Variants in PURG observed in about 807,000 individuals in gnomAD.
PURG encodes the protein purine-rich element-binding protein gamma.
PURG carries 3 observed loss-of-function variants against 24.3 expected under a neutral mutation model. The ratio of observed to expected loss-of-function variants is 0.12; its 90% confidence interval spans 0.06 to 0.32. The LOEUF is 0.32. PURG is among the 10% of genes least tolerant of loss of function. The pLI, the probability that PURG is intolerant of heterozygous loss-of-function variation, is 1.00. For missense variants in PURG, 371 were observed against 439.1 expected, an observed-to-expected ratio of 0.84 and a Z score of 1.39; for synonymous variants, 180 against 173.1, an observed-to-expected ratio of 1.04 and a Z score of -0.31.
At chr8:31,020,839 G>A (rs934180563) in intron 1 of PURG, among the ~76,000 whole-genome samples, 2 of 152,004 alleles carry the variant, frequency 1.3e-5, no homozygotes, top group African/African-American at 4.8e-5. Flanking sequence ...CTTAAAGTGC[G>A]GTCCCCCTAG....
downstream of PURG, among the ~76,000 whole-genome samples, chr8:31,026,130 G>T (rs1258315121): frequency 1.3e-5 from 2 of 151,832 alleles, no homozygotes; most frequent in East Asian, 3.8e-4. Flanking sequence ...ATACTCATTT[G>T]CTCTTATAAG....
At chr8:31,009,144 G>A (rs1391177166) in intron 1 of PURG, among the ~76,000 whole-genome samples, 3 of 152,092 alleles carry the variant, frequency 2.0e-5, no homozygotes, top group Admixed American at 1.3e-4. Flanking sequence ...GAATAATTCG[G>A]ACAGGTGCAG....
intron 1 of PURG, among the ~76,000 whole-genome samples, chr8:30,998,192 A>G (rs1810465717): frequency 6.6e-6 from 1 of 151,826 alleles, no homozygotes; most frequent in Non-Finnish European, 1.5e-5. Flanking sequence ...ACTTAGACTA[A>G]CAGTCTTGTT....
chr8:30,998,870 C>A (rs994553354), intron 1 of PURG, among the ~76,000 whole-genome samples: 1 of 151,662 alleles, frequency 6.6e-6, no homozygotes, highest in African/African-American at 2.4e-5. Flanking sequence ...CAAAAAAGGC[C>A]AGAGAAAACC....
At chr8:31,025,101 T>C (rs1811066825) in intron 1 of PURG, among the ~76,000 whole-genome samples, 1 of 152,024 alleles carries the variant, frequency 6.6e-6, no homozygotes, top group Non-Finnish European at 1.5e-5. Context: ...ATTCATTATG[T>C]TTTTATTTAC....
At chr8:31,001,400 C>T (rs1209557875) in intron 1 of PURG, among the ~76,000 whole-genome samples, 1 of 152,186 alleles carries the variant, frequency 6.6e-6, no homozygotes, top group African/African-American at 2.4e-5. Context: ...AGTTATTTCT[C>T]ACCATATCCC....
intron 1 of PURG, among the ~76,000 whole-genome samples, chr8:31,003,044 G>A (rs1810570258): frequency 6.6e-6 from 1 of 152,114 alleles, no homozygotes; most frequent in Admixed American, 6.5e-5. Context: ...GCCCTTCTGG[G>A]TTAAATTATA....
chr8:31,009,167 G>A (rs1756819137), intron 1 of PURG, among the ~76,000 whole-genome samples: 1 of 152,186 alleles, frequency 6.6e-6, no homozygotes, highest in South Asian at 2.1e-4. Flanking sequence ...GCTCACACTT[G>A]TAATCCCAGC....
chr8:31,026,854 T>C (rs999804570), downstream of PURG, among the ~76,000 whole-genome samples: 1 of 151,472 alleles, frequency 6.6e-6, no homozygotes, highest in Admixed American at 6.6e-5. Context: ...TAAAATAGCA[T>C]GTCAAATTAA....
At chr8:31,014,018 C>T (rs887474928) in intron 1 of PURG, among the ~76,000 whole-genome samples, 3 of 151,934 alleles carry the variant, frequency 2.0e-5, no homozygotes, top group African/African-American at 7.3e-5. Flanking sequence ...TTTTTTCTCC[C>T]AGAAAATATT....
In PURG at chr8:31,004,433, C is replaced by T. The variant is rs3757924; in HGVS notation, c.865-7736G>A. ...ATCCTTGGCTGGGCACAGTGGCTCA[C>T]GCAGGTAATCCCAGAACTTTGGAAG... On this transcript the variant is annotated intron_variant, in intron 1 of 1. Transcript: ENST00000339382. 7.6e-4 allele frequency among the ~76,000 whole-genome samples: 116 copies of T among 152,256 alleles called. 1 individual carries two copies. In the East Asian group the frequency reaches 0.016, roughly 21 times the overall value.
exon 2 of PURG, chr8:30,996,667 T>C (rs779556473): frequency 1.2e-6 from 2 of 1,612,108 alleles, no homozygotes; most frequent in East Asian, 2.2e-5. Flanking sequence ...AAAAGGTTGA[T>C]ATTCTCTCTG....
chr8:31,016,849 G>T (rs1203145035), intron 1 of PURG, among the ~76,000 whole-genome samples: 1 of 152,146 alleles, frequency 6.6e-6, no homozygotes, highest in Middle Eastern at 3.2e-3. Context: ...TTTAATGGGG[G>T]TTAGAACTCA....
chr8:31,009,351 G>A (rs891476872), intron 1 of PURG, among the ~76,000 whole-genome samples: 3 of 152,122 alleles, frequency 2.0e-5, no homozygotes, highest in African/African-American at 4.8e-5. Flanking sequence ...ACTTGAACCC[G>A]GGAGGTGGAG....
intron 1 of PURG, among the ~76,000 whole-genome samples, chr8:31,016,577 GAACCAAAAAA>G (rs1393699855): frequency 0.016 from 601 of 37,342 alleles, 26 homozygotes; most frequent in African/African-American, 0.055. Context: ...AGTCTACCAA[GAACCAAAAAA>G]AAAAAAAAAA....
At chr8:31,030,264 T>C (rs997809867), downstream of PURG, among the ~76,000 whole-genome samples, 13 of 151,960 alleles carry the variant, frequency 8.6e-5, no homozygotes, top group African/African-American at 2.7e-4. Context: ...GAGAGTGATA[T>C]TTGGGGGTTG....
At chr8:31,015,227 T>C (rs1053463384) in intron 1 of PURG, among the ~76,000 whole-genome samples, 4 of 152,204 alleles carry the variant, frequency 2.6e-5, no homozygotes, top group African/African-American at 9.7e-5. Context: ...AAAAAAGTTC[T>C]GGAGATTGGT....
intron 1 of PURG, among the ~76,000 whole-genome samples, chr8:31,009,056 C>T (rs539258909): frequency 2.6e-5 from 4 of 152,304 alleles, no homozygotes; most frequent in Non-Finnish European, 5.9e-5. Flanking sequence ...ATTGATCTGA[C>T]TTTTATATTT....
At chr8:31,005,777 T>TC (rs753598027) in intron 1 of PURG, among the ~76,000 whole-genome samples, 8 of 135,470 alleles carry the variant, frequency 5.9e-5, no homozygotes, top group Admixed American at 5.5e-4. Context: ...TTTTCTTTTT[T>TC]TTTTTTTTCA....
Sources: gnomAD v4.1 joint callset for allele counts (sites outside exome capture counted in the v4.1 genomes callset) on GRCh38, gnomAD v4.1.1 for gene constraint, MANE v1.5 for transcripts, NCBI Gene and HGNC (gene_info 2026-07-23, HGNC 2026-07-21) for gene names.